Variants in ZNF385D observed in about 807,000 individuals in gnomAD.
ZNF385D encodes zinc finger protein 385D.
A neutral mutation model predicts 35.8 loss-of-function variants in ZNF385D; 15 were observed. That is an observed-to-expected ratio of 0.42 (90% CI 0.28 to 0.64). ZNF385D has a LOEUF of 0.64. Ranked by LOEUF, ZNF385D falls within the 30% of genes least tolerant of loss-of-function variation. ZNF385D has a pLI of 0.23. For synonymous variants in ZNF385D, 212 were observed against 186.8 expected, an observed-to-expected ratio of 1.13 and a Z score of -1.10; for missense variants, 474 against 494.6, an observed-to-expected ratio of 0.96 and a Z score of 0.39.
chr3:22,367,262 T>A (rs1346953386), intron 2 of ZNF385D, among the ~76,000 whole-genome samples: 39 of 152,180 alleles, frequency 2.6e-4, no homozygotes, highest in Non-Finnish European at 4.4e-5. Flanking sequence ...GACACTGAGG[T>A]AAAGAGAGGT....
intron 3 of ZNF385D, among the ~76,000 whole-genome samples, chr3:21,921,134 A>C (rs1700438760): frequency 6.8e-6 from 1 of 146,558 alleles, no homozygotes; most frequent in Non-Finnish European, 1.5e-5. Flanking sequence ...GAGGCAGGAG[A>C]ATGGTGTGAA....
chr3:22,271,666 T>C (rs1024984282), intron 2 of ZNF385D, among the ~76,000 whole-genome samples: 2 of 151,876 alleles, frequency 1.3e-5, no homozygotes, highest in African/African-American at 4.8e-5. Context: ...TGCTGTTCTT[T>C]AAGCTTAAAA....
intron 2 of ZNF385D, among the ~76,000 whole-genome samples, chr3:21,566,149 G>A (rs934978462): frequency 2.0e-5 from 3 of 152,116 alleles, no homozygotes; most frequent in African/African-American, 7.2e-5. Context: ...GCTTTCCATA[G>A]GCTAATCACT....
At chr3:21,917,790 C>T (rs207463041) in intron 3 of ZNF385D, among the ~76,000 whole-genome samples, 1 of 152,162 alleles carries the variant, frequency 6.6e-6, no homozygotes, top group East Asian at 1.9e-4. Context: ...TAAGTGGAGT[C>T]TCTTGACTCA....
chr3:22,063,713 T>C (rs1699800805), intron 3 of ZNF385D, among the ~76,000 whole-genome samples: 1 of 152,204 alleles, frequency 6.6e-6, no homozygotes, highest in East Asian at 1.9e-4. Flanking sequence ...CCAAGAATTA[T>C]ACTTAGCTGA....
chr3:21,473,659 G>C (rs1299199715), intron 4 of ZNF385D, among the ~76,000 whole-genome samples: 1 of 152,016 alleles, frequency 6.6e-6, no homozygotes, highest in Non-Finnish European at 1.5e-5. Context: ...GTTCAAACCT[G>C]AGTGACATAT....
intron 4 of ZNF385D, among the ~76,000 whole-genome samples, chr3:21,447,618 T>A (rs1258989191): frequency 6.6e-6 from 1 of 152,196 alleles, no homozygotes; most frequent in Non-Finnish European, 1.5e-5. Context: ...TAAGGGTTTG[T>A]CATGTGTCCT....
intron 3 of ZNF385D, among the ~76,000 whole-genome samples, chr3:22,140,394 A>T (rs1400530725): frequency 6.6e-6 from 1 of 152,154 alleles, no homozygotes; most frequent in Non-Finnish European, 1.5e-5. Context: ...GCAATGGGGA[A>T]CAGGCCGAGG....
At chr3:21,850,892 C>A (rs1241819463) in intron 3 of ZNF385D, among the ~76,000 whole-genome samples, 1 of 151,982 alleles carries the variant, frequency 6.6e-6, no homozygotes, top group East Asian at 1.9e-4. Context: ...CAAAACAAAA[C>A]TGAACATTCT....
At chr3:21,688,815 CAT>C (rs1233651536) in intron 1 of ZNF385D, among the ~76,000 whole-genome samples, 2 of 151,994 alleles carry the variant, frequency 1.3e-5, no homozygotes, top group Admixed American at 1.3e-4. Flanking sequence ...TGTATTATAC[CAT>C]ATGTTTAGAA....
chr3:22,120,460 G>C (rs571309194), intron 3 of ZNF385D, among the ~76,000 whole-genome samples: 40 of 152,160 alleles, frequency 2.6e-4, no homozygotes, highest in African/African-American at 9.6e-4. Context: ...TTTTTTAAGA[G>C]TTCTATCCTC....
chr3:21,864,199 T>C (rs1003245538), intron 3 of ZNF385D, among the ~76,000 whole-genome samples: 1 of 152,112 alleles, frequency 6.6e-6, no homozygotes, highest in African/African-American at 2.4e-5. Context: ...AAACCCTGAG[T>C]TCACTACCTG....
At chr3:21,567,369 TA>T (rs2063185221) in intron 2 of ZNF385D, among the ~76,000 whole-genome samples, 1 of 152,176 alleles carries the variant, frequency 6.6e-6, no homozygotes, top group Non-Finnish European at 1.5e-5. Context: ...GCTAAGCTTC[TA>T]AACCTTCCTC....
chr3:22,233,422 TGAG>T (rs1221148698), intron 2 of ZNF385D, among the ~76,000 whole-genome samples: 3 of 152,114 alleles, frequency 2.0e-5, no homozygotes, highest in African/African-American at 7.2e-5. Context: ...GGGCAACAAG[TGAG>T]GAGATTAAAT....
At chr3:21,798,625 T>C (rs369634365) in intron 3 of ZNF385D, among the ~76,000 whole-genome samples, 2 of 152,172 alleles carry the variant, frequency 1.3e-5, no homozygotes, top group Non-Finnish European at 2.9e-5. Flanking sequence ...ACCTTATTTA[T>C]ATCTGTAAAA....
At chr3:21,716,916 G>A (rs1202813622) in intron 1 of ZNF385D, among the ~76,000 whole-genome samples, 5 of 152,208 alleles carry the variant, frequency 3.3e-5, no homozygotes, top group Non-Finnish European at 7.4e-5. Flanking sequence ...AAGGTCAAGA[G>A]ATCGAGACCA....
At chr3:22,173,389 A>G (rs1031095317) in intron 2 of ZNF385D, among the ~76,000 whole-genome samples, 1 of 152,218 alleles carries the variant, frequency 6.6e-6, no homozygotes, top group Non-Finnish European at 1.5e-5. Context: ...TATCGACAAT[A>G]GAGAAAATTG....
chr3:21,912,244 C>T (rs1037086115), intron 3 of ZNF385D, among the ~76,000 whole-genome samples: 6 of 151,860 alleles, frequency 4.0e-5, no homozygotes, highest in African/African-American at 1.5e-4. Flanking sequence ...AAATGGGAAA[C>T]TAAGGCACAA....
intron 3 of ZNF385D, among the ~76,000 whole-genome samples, chr3:21,871,583 T>C (rs1285149406): frequency 6.6e-6 from 1 of 152,170 alleles, no homozygotes; most frequent in Non-Finnish European, 1.5e-5. Context: ...ATTATCATGA[T>C]TTAGTAATTT....
Sources: allele counts gnomAD v4.1 joint callset (sites outside exome capture counted in the v4.1 genomes callset), GRCh38; gene constraint gnomAD v4.1.1; transcripts MANE v1.5; gene names NCBI Gene and HGNC (gene_info 2026-07-23, HGNC 2026-07-21).